The following ADRA1A variants were observed in gnomAD, a reference collection of about 807,000 sequenced individuals.
ADRA1A encodes adrenoceptor alpha 1A.
ADRA1A carries 31 observed loss-of-function variants against 29.6 expected under a neutral mutation model. The ratio of observed to expected loss-of-function variants is 1.05; its 90% CI spans 0.79 to 1.41. The LOEUF is 1.41. ADRA1A is among the 40% of genes most tolerant of loss of function. The pLI, the probability that ADRA1A is intolerant of heterozygous loss-of-function variation, is 0.00. For synonymous variants in ADRA1A, 311 were observed against 254.3 expected (o/e 1.22, Z -2.12); for missense variants, 619 against 601.1 (o/e 1.03, Z -0.31).
chr8:26,800,783 A>C (rs1222772343), intron 2 of ADRA1A, among the ~76,000 whole-genome samples: 2 of 152,158 alleles, frequency 1.3e-5, no homozygotes, highest in Non-Finnish European at 2.9e-5. Flanking sequence ...CCTTGCTACC[A>C]AAACACATGA....
chr8:26,847,971 CA>C (rs1417445229), intron 2 of ADRA1A, among the ~76,000 whole-genome samples: 1 of 152,190 alleles, frequency 6.6e-6, no homozygotes, highest in African/African-American at 2.4e-5. Context: ...TTATTTTGCA[CA>C]AAGAGTTCTG....
intron 2 of ADRA1A, among the ~76,000 whole-genome samples, chr8:26,836,494 T>C (rs914439640): frequency 6.6e-6 from 1 of 152,232 alleles, no homozygotes; most frequent in Non-Finnish European, 1.5e-5. Flanking sequence ...ATGATGATGT[T>C]CTTACACAGC....
Position 26,865,395 on chromosome 8 carries a change from A to C in ADRA1A, c.-426T>G. 4.0e-6 allele frequency: 4 copies of C among 1,009,080 alleles called. No homozygotes were observed. The highest frequency in any genetic ancestry group is 4.7e-6 in the Non-Finnish European group (4 of 844,362). The allele number at this position is 1,009,080 out of a possible 1,614,324, so 62.5% of individuals were successfully genotyped here. ...GGGAAGATTCAGCATTCTGCACATG[A>C]TTCGGAATTCAAAACTCCAGCGCCA... On this transcript the variant is annotated 5_prime_UTR_variant, in exon 2 of 3. Coordinates refer to ENST00000380573, the MANE Select transcript of ADRA1A (RefSeq NM_000680.4). The surrounding 1 kb of genome is among the most constrained non-coding windows in gnomAD (Gnocchi z 7.6).
downstream of ADRA1A, chr8:26,765,815 T>A (rs1023297144): frequency 9.7e-6 from 13 of 1,336,634 alleles, no homozygotes; most frequent in Admixed American, 3.8e-4. Flanking sequence ...CAGAAGCAAT[T>A]GAGAAAGTTT....
chr8:26,792,365 A>G (rs953289286), intron 2 of ADRA1A, among the ~76,000 whole-genome samples: 5 of 152,068 alleles, frequency 3.3e-5, no homozygotes, highest in Non-Finnish European at 7.4e-5. Flanking sequence ...TGTATTTATC[A>G]ATATTTGTAT....
Position 26,865,028 on chromosome 8 carries a change from G to A in ADRA1A, c.-59C>T, listed in dbSNP as rs900879700. ...CCAGGGCCACCTCCCGGGCTGGCGC[G>A]GAGGCGGGAGCGCGGGAGCCGGGAA... On this transcript the variant is annotated 5_prime_UTR_variant, in exon 2 of 3. Transcript: ENST00000380573. The surrounding 1 kb of genome is among the most constrained non-coding windows in gnomAD (Gnocchi z 7.6). The A allele has an allele frequency of 5.9e-6, 9 of 1,522,644 alleles. No homozygotes were observed. Among genetic ancestry groups the A allele is most frequent in the Non-Finnish European group, 7.0e-6 (8 of 1,144,080 alleles). 94.3% of individuals were successfully genotyped at this position (1,522,644 alleles called of 1,614,324 possible).
intron 2 of ADRA1A, among the ~76,000 whole-genome samples, chr8:26,788,049 C>T (rs905953635): frequency 2.6e-5 from 4 of 152,076 alleles, no homozygotes; most frequent in Admixed American, 6.6e-5. Context: ...GTCAGCTGCT[C>T]TGAGAATCCC....
At chr8:26,820,066 C>G (rs1810049175) in intron 2 of ADRA1A, among the ~76,000 whole-genome samples, 1 of 151,988 alleles carries the variant, frequency 6.6e-6, no homozygotes, top group African/African-American at 2.4e-5. Flanking sequence ...ACTGTAAGTG[C>G]ACCCAACACT....
At chr8:26,802,409 G>A (rs964342671) in intron 2 of ADRA1A, among the ~76,000 whole-genome samples, 1 of 152,106 alleles carries the variant, frequency 6.6e-6, no homozygotes, top group Non-Finnish European at 1.5e-5. Flanking sequence ...TTAAAAATGG[G>A]TGAAAGATAT....
At chr8:26,857,655 T>A (rs1813148661) in intron 2 of ADRA1A, among the ~76,000 whole-genome samples, 1 of 152,150 alleles carries the variant, frequency 6.6e-6, no homozygotes, top group African/African-American at 2.4e-5. Flanking sequence ...AATGAGATCC[T>A]GTCATTAAAT....
At chr8:26,767,420 C>A (rs1001050099), downstream of ADRA1A, among the ~76,000 whole-genome samples, 2 of 152,180 alleles carry the variant, frequency 1.3e-5, no homozygotes, top group Admixed American at 6.5e-5. Context: ...ATATTCTTTA[C>A]CCCACTTTGA....
At chr8:26,829,656 G>A (rs1403857722) in intron 2 of ADRA1A, among the ~76,000 whole-genome samples, 2 of 152,016 alleles carry the variant, frequency 1.3e-5, no homozygotes, top group African/African-American at 4.8e-5. Flanking sequence ...ACAGCTCCAA[G>A]TTACATAATC....
chr8:26,755,207 T>C (rs76093322), downstream of ADRA1A, among the ~76,000 whole-genome samples: 2 of 150,988 alleles, frequency 1.3e-5, no homozygotes, highest in Non-Finnish European at 2.9e-5. Flanking sequence ...TTTTTTTTTT[T>C]CTCTGTTTAG....
At chr8:26,766,082 A>G (rs1805762368), downstream of ADRA1A, 7 of 1,613,924 alleles carry the variant, frequency 4.3e-6, no homozygotes, top group Non-Finnish European at 5.9e-6. Context: ...CCACGGTGGC[A>G]TCATAAAATT....
intron 2 of ADRA1A, among the ~76,000 whole-genome samples, chr8:26,802,529 C>A (rs549787454): frequency 6.6e-6 from 1 of 152,276 alleles, no homozygotes; most frequent in South Asian, 2.1e-4. Flanking sequence ...AATGAGTTAT[C>A]TCACCCCAGT....
chr8:26,770,766 G>T, intron 2 of ADRA1A, 100 bp from the exon 3 acceptor site: 1 of 1,449,438 alleles, frequency 6.9e-7, no homozygotes, highest in South Asian at 1.5e-5. Context: ...TTTTTAAACG[G>T]TTAAAATGAT....
Position 26,775,187 on chromosome 8 carries a change from C to T in ADRA1A, c.884-4521G>A, listed in dbSNP as rs1465152244. On this transcript the variant is annotated intron_variant, in intron 2 of 2. Transcript: ENST00000380573. The surrounding 1 kb of genome is among the most constrained non-coding windows in gnomAD (Gnocchi z 4.1). ...TTTTGCTGCATGAATGGCCGACCTT[C>T]TGACAGACGGATGGACTGACTGACT... Among the ~76,000 whole-genome samples, 1 of 152,226 alleles carries T rather than the reference C, an allele frequency of 6.6e-6. No individual in the cohort carries two copies. The highest frequency in any genetic ancestry group is 1.5e-5 in the Non-Finnish European group (1 of 68,046).
chr8:26,786,232 AT>A (rs1166545041), intron 2 of ADRA1A, among the ~76,000 whole-genome samples: 6 of 118,666 alleles, frequency 5.1e-5, no homozygotes, highest in East Asian at 6.2e-4. Flanking sequence ...TTTTATTTTT[AT>A]TTTTAAATTT....
intron 2 of ADRA1A, among the ~76,000 whole-genome samples, chr8:26,814,028 A>G (rs147710984): frequency 1.3e-4 from 20 of 152,322 alleles, no homozygotes; most frequent in African/African-American, 3.8e-4. Flanking sequence ...AGCTAGCACA[A>G]TATTTTTAAA....
Sources: gnomAD v4.1 joint callset for allele counts (sites outside exome capture counted in the v4.1 genomes callset) on GRCh38, gnomAD v4.1.1 for gene constraint, Gnocchi (gnomAD v3.1) non-coding constraint, MANE v1.5 for transcripts, NCBI Gene and HGNC (gene_info 2026-07-23, HGNC 2026-07-21) for gene names.